The following LRP1 variants were observed in gnomAD, a reference collection of about 807,000 sequenced individuals.
LRP1 encodes prolow-density lipoprotein receptor-related protein 1.
LRP1 carries 51 observed loss-of-function variants against 541.5 expected under a neutral mutation model. The observed-to-expected ratio is 0.09, with a 90% CI of 0.08 to 0.12. The LOEUF (loss-of-function observed/expected upper bound fraction) is 0.12, where lower values mean the gene tolerates loss of function less well. LRP1 is among the 10% of genes least tolerant of loss of function. The pLI, the probability that LRP1 is intolerant of heterozygous loss-of-function variation, is 1.00. For synonymous variants in LRP1, 2,219 were observed against 2,470.8 expected, an observed-to-expected ratio of 0.90 and a Z score of 3.02; for missense variants, 3,878 against 6,376.2, an observed-to-expected ratio of 0.61 and a Z score of 13.34.
chr12:57,154,344 G>A lies in LRP1; in HGVS notation c.978G>A (p.Lys326=). ...TLLDLELYNP[K]GIALDPAMGK... ...TAGACCTGGAACTCTACAACCCCAA[G>A]GGCATTGCCCTGGACCCTGCCATGG... The change falls in exon 7 of 89, where the codon AAG becomes AAA. Residue 326 remains lysine, a synonymous_variant. Coordinates refer to ENST00000243077, the MANE Select transcript of LRP1 (RefSeq NM_002332.3). The surrounding 1 kb of genome is among the most constrained non-coding windows in gnomAD (Gnocchi z 4.6). The A allele has an allele frequency of 1.9e-6, 3 of 1,613,856 alleles. No homozygotes were observed. The highest frequency in any genetic ancestry group is 2.2e-5 in the East Asian group (1 of 44,880).
At chr12:57,208,909 G>C in intron 78 of LRP1, 92 bp downstream of exon 78, 1 of 1,217,026 alleles carries the variant, frequency 8.2e-7, no homozygotes, top group Non-Finnish European at 1.2e-6. Flanking sequence ...AGCAAGGGAT[G>C]GGATGGGGCT....
Position 57,201,819 on chromosome 12 carries a change from A to G in LRP1, c.10508A>G (p.Asp3503Gly). The G allele has an allele frequency of 6.2e-7, 1 of 1,614,008 alleles. No individual in the cohort carries two copies. The highest frequency in any genetic ancestry group is 8.5e-7 in the Non-Finnish European group (1 of 1,179,990). The change falls in exon 67 of 89, where the codon GAT (aspartate) becomes GGT (glycine). Residue 3503 changes from aspartate (D) to glycine (G), a missense_variant. Transcript: ENST00000243077. This position sits in a 1 kb window ranked among gnomAD's most constrained non-coding sequence, Gnocchi z 6.4. ...GGTGTGGACGAGTTCCGCTGCAAGG[A>G]TTCGGGCCGCTGCATCCCAGCGCGT... Reference protein sequence around the residue: ...TCGVDEFRCKDSGRCIPARWK... With the variant: ...TCGVDEFRCKGSGRCIPARWK...
At chr12:57,191,835 A>ATG (rs2036393295) in intron 44 of LRP1, among the ~76,000 whole-genome samples, 2 of 36,018 alleles carry the variant, frequency 5.6e-5, no homozygotes, top group African/African-American at 1.1e-4. Flanking sequence ...CACCACACAC[A>ATG]TACCACACAC....
chr12:57,140,625 A>T (rs780786017), intron 2 of LRP1, among the ~76,000 whole-genome samples: 1 of 151,824 alleles, frequency 6.6e-6, no homozygotes, highest in Non-Finnish European at 1.5e-5. Context: ...ATTTGGCACC[A>T]CTCTTGGCCC....
Position 57,145,446 on chromosome 12 carries a change from G to T in LRP1, c.797G>T (p.Gly266Val). 6.2e-7 allele frequency: 1 copy of T among 1,614,094 alleles called. No individual in the cohort carries two copies. Among genetic ancestry groups the T allele is most frequent in the Non-Finnish European group, 8.5e-7 (1 of 1,180,032 alleles). Residue 266 changes from glycine (G) to valine (V), a missense_variant, in exon 6 of 89, where the codon GGC becomes GTC. Physicochemically the swap from Gly to Val is moderately radical, Grantham distance 109. Coordinates refer to ENST00000243077, the MANE Select transcript of LRP1 (RefSeq NM_002332.3). ...TGTGCCCGCATGCCTGGCCTAAAGG[G>T]CTTCGTGGATGAGCACACCATCAAC... ...LKCARMPGLK[G>V]FVDEHTINIS... is the part of the protein sequence containing the mutation.
chr12:57,144,093 G>C (rs915595558), intron 4 of LRP1, among the ~76,000 whole-genome samples: 1 of 152,016 alleles, frequency 6.6e-6, no homozygotes, highest in African/African-American at 2.4e-5. Flanking sequence ...CCTCAATTCC[G>C]GTCCCCTTCC....
intron 68 of LRP1, chr12:57,202,875 C>T: frequency 1.8e-6 from 1 of 567,400 alleles, no homozygotes; most frequent in Non-Finnish European, 3.1e-6. Context: ...TCTCCCCAAA[C>T]CCTGGTGCTT....
rs1258833248 is a variant in LRP1 at position 57,204,229 on chromosome 12, C to G, written c.10952-181C>G. 1.5e-6 allele frequency: 1 copy of G among 652,272 alleles called. No individual in the cohort carries two copies. Among genetic ancestry groups the G allele is most frequent in the African/African-American group, 1.8e-5 (1 of 55,268 alleles). The allele number at this position is 652,272 out of a possible 1,614,324, so 40.4% of individuals were successfully genotyped here. A position where few individuals can be genotyped will look rare whatever the true frequency, so the allele number is the denominator to read the frequency against. ...ACACCCCTGAAAAATGGCCTCTTCT[C>G]CCCTAAATACCAGAGGGGGCAGTTT... On this transcript the variant is annotated intron_variant, in intron 70 of 88. Coordinates refer to ENST00000243077, the MANE Select transcript of LRP1 (RefSeq NM_002332.3). The surrounding 1 kb of genome is among the most constrained non-coding windows in gnomAD (Gnocchi z 5.3).
At chr12:57,148,000 T>C (rs1195629709) in intron 6 of LRP1, among the ~76,000 whole-genome samples, 1 of 151,856 alleles carries the variant, frequency 6.6e-6, no homozygotes, top group Non-Finnish European at 1.5e-5. Context: ...TTTGGGGAGG[T>C]CTATGAGGCT....
chr12:57,161,895 A>G (rs1237958338), intron 13 of LRP1, among the ~76,000 whole-genome samples: 1 of 152,022 alleles, frequency 6.6e-6, no homozygotes, highest in African/African-American at 2.4e-5. Flanking sequence ...CTTACTACCT[A>G]CTACAGCTCA....
At chr12:57,159,003 C>T (rs546098090) in intron 11 of LRP1, among the ~76,000 whole-genome samples, 3 of 152,318 alleles carry the variant, frequency 2.0e-5, no homozygotes, top group Non-Finnish European at 2.9e-5. Context: ...CATGTATGTG[C>T]GCACACAGGG....
At position 57,166,723 on chromosome 12, in the gene LRP1, G is replaced by C. The variant is rs376145346; in HGVS notation, c.2798-207G>C. 2.0e-5 allele frequency among the ~76,000 whole-genome samples: 3 copies of C among 152,302 alleles called. No homozygotes were observed. In the East Asian group the frequency reaches 5.8e-4, roughly 29 times the overall value. On this transcript the variant is annotated intron_variant, in intron 17 of 88. Coordinates refer to ENST00000243077, the MANE Select transcript of LRP1 (RefSeq NM_002332.3). ...TGGAGAGGAGGAACAAGGCAGGGTA[G>C]ATCTCCTCCTGGGAGGATACCAGAG...
intron 1 of LRP1, among the ~76,000 whole-genome samples, chr12:57,133,537 C>A (rs1219631314): frequency 6.6e-6 from 1 of 152,130 alleles, no homozygotes; most frequent in African/African-American, 2.4e-5. Flanking sequence ...CAGTGAAAAC[C>A]TCTCGGTTTG....
At position 57,162,904 on chromosome 12, in the gene LRP1, G is replaced by A. The variant is rs747201023; in HGVS notation, c.2451G>A (p.Leu817=). 1.9e-6 allele frequency: 3 copies of A among 1,608,988 alleles called. No individual in the cohort carries two copies. The African/African-American group carries it at 4.0e-5, about 21-fold the overall frequency. Residue 817 remains leucine (L), a synonymous_variant, in exon 15 of 89, where the codon CTG becomes CTA. Coordinates refer to ENST00000243077, the MANE Select transcript of LRP1 (RefSeq NM_002332.3). The surrounding 1 kb of genome is among the most constrained non-coding windows in gnomAD (Gnocchi z 5.2). The stretch of plus-strand genomic sequence containing the variant: ...TGAACAATGGCGGCTGCAGCAGCCT[G>A]TGCTTGGCCACCCCTGGGAGCCGCC... ...CRVNNGGCSS[L]CLATPGSRQC...
At position 57,179,796 on chromosome 12, in the gene LRP1, C is replaced by T. The variant is rs1422086148; in HGVS notation, c.4981C>T (p.His1661Tyr). The T allele has an allele frequency of 6.2e-7, 1 of 1,613,962 alleles. No homozygotes were observed. The highest frequency in any genetic ancestry group is 8.5e-7 in the Non-Finnish European group (1 of 1,179,936). Residue 1661 changes from histidine to tyrosine, a missense_variant, in exon 30 of 89, where the codon CAC (histidine) becomes TAC (tyrosine). Transcript: ENST00000243077. The surrounding 1 kb of genome is among the most constrained non-coding windows in gnomAD (Gnocchi z 6.8). ...TVVSADLPNA[H>Y]GLAVDWVSRN... is the part of the protein sequence containing the mutation. The stretch of plus-strand genomic sequence containing the variant: ...TGTGCCCCCAGACTTGCCAAATGCC[C>T]ACGGGCTGGCTGTGGACTGGGTCTC...
intron 79 of LRP1, 48 bp downstream of exon 79, chr12:57,209,247 GC>G (rs752397695): frequency 6.7e-7 from 1 of 1,481,872 alleles, no homozygotes; most frequent in Non-Finnish European, 9.4e-7. Context: ...CCCCAGCCTT[GC>G]CATCCTCCCT....
intron 1 of LRP1, among the ~76,000 whole-genome samples, chr12:57,137,861 C>T (rs548303849): frequency 3.9e-4 from 60 of 152,180 alleles, no homozygotes; most frequent in Non-Finnish European, 7.5e-4. Flanking sequence ...TCCTGCCCAG[C>T]CTTGCCCTCC....
At chr12:57,144,687 A>G in intron 4 of LRP1, 1 of 456,816 alleles carries the variant, frequency 2.2e-6, no homozygotes, top group Non-Finnish European at 4.0e-6. Context: ...ATGTGGGTCT[A>G]TTTTAAAGTT....
At chr12:57,163,381 C>T (rs2035776300) in intron 15 of LRP1, among the ~76,000 whole-genome samples, 1 of 152,100 alleles carries the variant, frequency 6.6e-6, no homozygotes, top group Non-Finnish European at 1.5e-5. Flanking sequence ...GAGTTTAAGA[C>T]CAGCCTGGTC....
Sources: allele counts gnomAD v4.1 joint callset (sites outside exome capture counted in the v4.1 genomes callset), GRCh38; gene constraint gnomAD v4.1.1; non-coding constraint Gnocchi (gnomAD v3.1); transcripts MANE v1.5; gene names NCBI Gene and HGNC (gene_info 2026-07-23, HGNC 2026-07-21).